Variants in COL25A1 observed in about 807,000 individuals in gnomAD.
COL25A1 encodes collagen alpha-1(XXV) chain.
A neutral mutation model predicts 128.4 loss-of-function variants in COL25A1; 103 were observed. That is an observed-to-expected ratio of 0.80 (90% CI 0.68 to 0.94). COL25A1 has a LOEUF of 0.94. COL25A1 is among the 40% of genes least tolerant of loss of function. The pLI, the probability that COL25A1 is intolerant of heterozygous loss-of-function variation, is 0.00. For synonymous variants in COL25A1, 279 were observed against 277.2 expected (o/e 1.01, Z -0.06); for missense variants, 745 against 840.0 (o/e 0.89, Z 1.40).
At chr4:109,179,679 C>T (rs1275505039) in intron 3 of COL25A1, among the ~76,000 whole-genome samples, 1 of 152,168 alleles carries the variant, frequency 6.6e-6, no homozygotes, top group Middle Eastern at 3.2e-3. Context: ...CAAAACCAAA[C>T]TTGAACTTCT....
intron 16 of COL25A1, among the ~76,000 whole-genome samples, chr4:108,891,316 A>T (rs548420679): frequency 6.6e-6 from 1 of 152,318 alleles, no homozygotes; most frequent in East Asian, 1.9e-4. Context: ...TCCTGTTGAA[A>T]ATTAAAATGT....
intron 14 of COL25A1, among the ~76,000 whole-genome samples, 187 bp downstream of exon 14, chr4:108,900,932 T>C (rs994313152): frequency 6.6e-6 from 1 of 152,192 alleles, no homozygotes; most frequent in Non-Finnish European, 1.5e-5. Context: ...CATTTAATAC[T>C]AATGAGAATC....
chr4:109,254,426 C>T lies in COL25A1; in HGVS notation c.367+46157G>A, dbSNP rs1041309448. On this transcript the variant is annotated intron_variant, in intron 3 of 37. Transcript: ENST00000399132. ...AGCAGTTTCCTGTGGCCTGCGTTCA[C>T]ATAACAGCAACAACAGGGTGCTATG... is the stretch of plus-strand genomic sequence containing the variant. Among the ~76,000 whole-genome samples, 9 of 138,822 alleles carry T rather than the reference C, an allele frequency of 6.5e-5. No individual in the cohort carries two copies. In the East Asian group the frequency reaches 1.5e-3, roughly 24 times the overall value. The allele number at this position is 138,822 out of a possible 152,430, so 91.1% of individuals were successfully genotyped here. A position where few individuals can be genotyped will look rare whatever the true frequency, so the allele number is the denominator to read the frequency against.
intron 3 of COL25A1, among the ~76,000 whole-genome samples, chr4:109,068,892 C>A (rs10010815): frequency 0.069 from 10,500 of 151,752 alleles, 559 homozygotes; most frequent in East Asian, 0.27. Flanking sequence ...AGACAGGAGA[C>A]AAGGAAAACA....
chr4:109,117,535 G>C (rs531201984), intron 3 of COL25A1, among the ~76,000 whole-genome samples: 1 of 151,984 alleles, frequency 6.6e-6, no homozygotes, highest in Non-Finnish European at 1.5e-5. Context: ...AAAAATATTA[G>C]GTCAGAAACT....
At chr4:109,009,153 A>C (rs1475474367) in intron 6 of COL25A1, among the ~76,000 whole-genome samples, 1 of 152,184 alleles carries the variant, frequency 6.6e-6, no homozygotes, top group Non-Finnish European at 1.5e-5. Context: ...AACAAAAAAC[A>C]AAAGAAACTA....
intron 3 of COL25A1, among the ~76,000 whole-genome samples, chr4:109,297,964 C>G (rs1377386046): frequency 7.3e-6 from 1 of 137,484 alleles, no homozygotes; most frequent in Non-Finnish European, 1.5e-5. Flanking sequence ...GTACTAGATC[C>G]AGGATTCCAA....
chr4:109,109,471 G>A (rs1766786945), intron 3 of COL25A1, among the ~76,000 whole-genome samples: 1 of 152,166 alleles, frequency 6.6e-6, no homozygotes, highest in African/African-American at 2.4e-5. Context: ...GGCCTCAAGT[G>A]ATCTGCCCGC....
chr4:109,197,853 A>G (rs980651023), intron 3 of COL25A1, among the ~76,000 whole-genome samples: 2 of 152,062 alleles, frequency 1.3e-5, no homozygotes, highest in Non-Finnish European at 2.9e-5. Context: ...AACATTTTAT[A>G]TTCAATAAAA....
chr4:109,024,475 T>A (rs1169094319), intron 5 of COL25A1, among the ~76,000 whole-genome samples: 1 of 151,386 alleles, frequency 6.6e-6, no homozygotes, highest in African/African-American at 2.4e-5. Flanking sequence ...TATAAATCTA[T>A]CTAAAAAAAG....
intron 8 of COL25A1, among the ~76,000 whole-genome samples, chr4:108,941,869 C>T (rs1748147767): frequency 6.6e-6 from 1 of 152,090 alleles, no homozygotes; most frequent in South Asian, 2.1e-4. Flanking sequence ...GCCTGAAGTC[C>T]AGAGAGAGTA....
At chr4:109,182,296 C>G (rs1774729693) in intron 3 of COL25A1, among the ~76,000 whole-genome samples, 1 of 152,036 alleles carries the variant, frequency 6.6e-6, no homozygotes, top group South Asian at 2.1e-4. Context: ...TGGCTGTTTT[C>G]CATAATGCCA....
chr4:108,937,607 T>C (rs78006221), intron 11 of COL25A1, among the ~76,000 whole-genome samples: 2,833 of 152,316 alleles, frequency 0.019, 33 homozygotes, highest in Non-Finnish European at 0.028. Flanking sequence ...GGAATCTCTT[T>C]CTTTTTCTCC....
intron 20 of COL25A1, 43 bp from the exon 21 acceptor site, chr4:108,863,430 C>T (rs754993705): frequency 2.0e-6 from 3 of 1,529,080 alleles, no homozygotes; most frequent in South Asian, 2.4e-5. Flanking sequence ...TTCCCCCCAC[C>T]CAGGCTGGTC....
intron 3 of COL25A1, among the ~76,000 whole-genome samples, chr4:109,218,357 G>GTTTTTTTTTTGTTTGTTTGTT (rs1553961829): frequency 2.0e-4 from 15 of 73,554 alleles, no homozygotes; most frequent in African/African-American, 6.2e-4. Context: ...GTTTTTTGGG[G>GTTTTTTTTTTGTTTGTTTGTT]TTTTTTTTTT....
intron 32 of COL25A1, among the ~76,000 whole-genome samples, chr4:108,830,886 G>T (rs1733015649): frequency 6.6e-6 from 1 of 152,266 alleles, no homozygotes; most frequent in Non-Finnish European, 1.5e-5. Context: ...ATCTGCATCA[G>T]CAGCGTTGAG....
At position 109,282,672 on chromosome 4, in the gene COL25A1, T is replaced by C. The variant is rs1166803525; in HGVS notation, c.367+17911A>G. ...GAGTTCACCACAGTGCTGGTGGGGA[T>C]ACCTGGAGATCAGAACTTTCTTTCC... is the stretch of plus-strand genomic sequence containing the variant. On this transcript the variant is annotated intron_variant, in intron 3 of 37. Transcript: ENST00000399132. Among the ~76,000 whole-genome samples the C allele has an allele frequency of 5.9e-5, 9 of 152,238 alleles. No individual in the cohort carries two copies. In the South Asian group the frequency reaches 1.2e-3, roughly 21 times the overall value.
At chr4:109,294,414 T>A (rs930561178) in intron 3 of COL25A1, among the ~76,000 whole-genome samples, 9 of 152,164 alleles carry the variant, frequency 5.9e-5, no homozygotes, top group Non-Finnish European at 2.9e-5. Flanking sequence ...CAGTCAATTT[T>A]AAAATAATAT....
At chr4:109,245,670 TA>T (rs1282631515) in intron 3 of COL25A1, among the ~76,000 whole-genome samples, 2 of 152,136 alleles carry the variant, frequency 1.3e-5, no homozygotes, top group African/African-American at 4.8e-5. Flanking sequence ...GGGTATCAGC[TA>T]AAAACAAACA....
Sources: gnomAD v4.1 joint callset for allele counts (sites outside exome capture counted in the v4.1 genomes callset) on GRCh38, gnomAD v4.1.1 for gene constraint, MANE v1.5 for transcripts, NCBI Gene and HGNC (gene_info 2026-07-23, HGNC 2026-07-21) for gene names.